GPC6: variants seen among roughly 807,000 people sequenced by gnomAD.
The protein encoded by GPC6 is glypican 6.
In GPC6, 14 loss-of-function variants were observed where a neutral mutation model predicts 55.2. The observed-to-expected ratio is 0.25, with a 90% confidence interval of 0.17 to 0.40. GPC6 has a LOEUF of 0.40. GPC6 is among the 10% of genes least tolerant of loss of function. GPC6 has a pLI of 1.00. For synonymous variants in GPC6, 278 were observed against 259.6 expected (o/e 1.07, Z -0.68); for missense variants, 641 against 708.5 (o/e 0.90, Z 1.08).
intron 2 of GPC6, among the ~76,000 whole-genome samples, chr13:93,598,343 C>A (rs933166453): frequency 5.3e-5 from 8 of 152,114 alleles, no homozygotes; most frequent in African/African-American, 1.9e-4. Flanking sequence ...TGTTTTCAAA[C>A]CATCTCCACC....
intron 1 of GPC6, among the ~76,000 whole-genome samples, chr13:93,538,059 A>G (rs1414480377): frequency 1.3e-5 from 2 of 152,186 alleles, no homozygotes; most frequent in South Asian, 2.1e-4. Context: ...GTATTTTTGG[A>G]CATGAAATCA....
intron 2 of GPC6, among the ~76,000 whole-genome samples, chr13:93,593,805 G>C (rs548390124): frequency 6.6e-6 from 1 of 152,158 alleles, no homozygotes; most frequent in Non-Finnish European, 1.5e-5. Context: ...TTGGAAGATT[G>C]TCAAATTATA....
chr13:94,213,359 T>C (rs1261693654), intron 4 of GPC6, among the ~76,000 whole-genome samples: 1 of 152,214 alleles, frequency 6.6e-6, no homozygotes, highest in Non-Finnish European at 1.5e-5. Context: ...AAACAGTGTC[T>C]TGTAAAATTT....
At chr13:93,395,017 C>T (rs17234460) in intron 1 of GPC6, 40,085 of 233,750 alleles carry the variant, frequency 0.17, 4,961 homozygotes, top group East Asian at 0.48. Context: ...CACAGCTTAT[C>T]CCTCCAAAGT....
At chr13:94,377,514 T>C (rs1357177726) in intron 6 of GPC6, among the ~76,000 whole-genome samples, 3,142 of 147,710 alleles carry the variant, frequency 0.021, 35 homozygotes, top group Middle Eastern at 0.056. Context: ...TCACAGCAGT[T>C]AGAATGGCAA....
At chr13:93,248,072 A>C (rs890461917) in intron 1 of GPC6, among the ~76,000 whole-genome samples, 4 of 152,220 alleles carry the variant, frequency 2.6e-5, no homozygotes, top group African/African-American at 9.6e-5. Flanking sequence ...ATATGTATAC[A>C]CATAAGCTGG....
intron 3 of GPC6, among the ~76,000 whole-genome samples, chr13:93,882,925 T>C (rs890978872): frequency 6.6e-6 from 1 of 152,208 alleles, no homozygotes; most frequent in African/African-American, 2.4e-5. Flanking sequence ...TGTCGCAAGA[T>C]AGGCAAACTT....
chr13:93,772,025 T>A (rs1160955997), intron 2 of GPC6, among the ~76,000 whole-genome samples: 1 of 152,172 alleles, frequency 6.6e-6, no homozygotes, highest in Non-Finnish European at 1.5e-5. Context: ...TTTGAAGCGT[T>A]TGGAAGAAGA....
chr13:93,524,821 A>G (rs1881586627), intron 1 of GPC6, among the ~76,000 whole-genome samples: 1 of 152,058 alleles, frequency 6.6e-6, no homozygotes, highest in South Asian at 2.1e-4. Flanking sequence ...TTTTTCCCAT[A>G]GCATGAAGTG....
intron 1 of GPC6, among the ~76,000 whole-genome samples, chr13:93,235,592 A>T (rs547308355): frequency 6.6e-6 from 1 of 152,222 alleles, no homozygotes; most frequent in African/African-American, 2.4e-5. Flanking sequence ...GAGAGGAGTG[A>T]AGAAGGGGTG....
chr13:94,145,213 C>G (rs1301736922), intron 4 of GPC6, among the ~76,000 whole-genome samples: 2 of 151,890 alleles, frequency 1.3e-5, no homozygotes, highest in Non-Finnish European at 2.9e-5. Context: ...ATATTAAAAT[C>G]TATACTTGGC....
intron 1 of GPC6, among the ~76,000 whole-genome samples, chr13:93,537,777 A>G (rs1882118250): frequency 6.6e-6 from 1 of 152,114 alleles, no homozygotes; most frequent in South Asian, 2.1e-4. Context: ...TGAGGAATTG[A>G]GTTGTTAAGC....
chr13:93,461,317 C>A (rs1215472627), intron 1 of GPC6, among the ~76,000 whole-genome samples: 1 of 152,038 alleles, frequency 6.6e-6, no homozygotes, highest in Non-Finnish European at 1.5e-5. Context: ...ATATGGTTTT[C>A]ATAAGGGCAA....
At chr13:93,516,707 T>C (rs1463726785) in intron 1 of GPC6, among the ~76,000 whole-genome samples, 1 of 152,030 alleles carries the variant, frequency 6.6e-6, no homozygotes, top group Non-Finnish European at 1.5e-5. Flanking sequence ...AAGGTATTTA[T>C]TTTGCATTTT....
intron 1 of GPC6, among the ~76,000 whole-genome samples, chr13:93,525,647 C>A (rs1004245449): frequency 6.6e-6 from 1 of 152,028 alleles, no homozygotes; most frequent in African/African-American, 2.4e-5. Context: ...TTTTTATTCA[C>A]CAACCTTAAA....
At chr13:93,417,723 T>A (rs1243609988) in intron 1 of GPC6, among the ~76,000 whole-genome samples, 2 of 152,086 alleles carry the variant, frequency 1.3e-5, no homozygotes, top group African/African-American at 4.8e-5. Context: ...ACACATGTTT[T>A]TAAATATATA....
rs186908547 is a variant in GPC6 at position 94,186,742 on chromosome 13, T to C, written c.878-99607T>C. Among the ~76,000 whole-genome samples, 7 of 152,334 alleles carry C rather than the reference T, an allele frequency of 4.6e-5. No homozygotes were observed. The East Asian group carries it at 1.4e-3, about 29-fold the overall frequency. On this transcript the variant is annotated intron_variant, in intron 4 of 8. Transcript: ENST00000377047. ...CTATCTTGATTAAAACATAATTTAG[T>C]AGATTAAATATGCTATCTTCTTTGA...
intron 1 of GPC6, among the ~76,000 whole-genome samples, chr13:93,476,766 T>C (rs1014219219): frequency 1.3e-5 from 2 of 152,204 alleles, no homozygotes; most frequent in Non-Finnish European, 2.9e-5. Context: ...TTTTGTAAGA[T>C]GGCAGACCTT....
chr13:93,451,479 A>G (rs1452051420), intron 1 of GPC6, among the ~76,000 whole-genome samples: 2 of 152,210 alleles, frequency 1.3e-5, no homozygotes, highest in African/African-American at 4.8e-5. Flanking sequence ...TGTTTTAAAG[A>G]ATATTTCCTG....
Sources: gnomAD v4.1 joint callset for allele counts (sites outside exome capture counted in the v4.1 genomes callset) on GRCh38, gnomAD v4.1.1 for gene constraint, MANE v1.5 for transcripts, NCBI Gene and HGNC (gene_info 2026-07-23, HGNC 2026-07-21) for gene names.